ABTB3: variants seen among roughly 807,000 people sequenced by gnomAD.
ABTB3 encodes the protein ankyrin repeat- and BTB/POZ domain-containing protein 3.
chr12:107,366,826 C>CT, the ABTB3 span, among the ~76,000 whole-genome samples: 1 of 152,168 alleles, frequency 6.6e-6, no homozygotes, highest in Non-Finnish European at 1.5e-5. Context: ...ACTGATTATT[C>CT]TTTCTGGAAG....
chr12:107,577,681 CT>C, the ABTB3 span, among the ~76,000 whole-genome samples: 2 of 152,152 alleles, frequency 1.3e-5, no homozygotes, highest in Non-Finnish European at 2.9e-5. Flanking sequence ...TAGATGGCCA[CT>C]GTCCTGTTTG....
the ABTB3 span, among the ~76,000 whole-genome samples, chr12:107,555,194 A>T: frequency 6.6e-6 from 1 of 152,198 alleles, no homozygotes; most frequent in South Asian, 2.1e-4. Context: ...CAAATGAGTG[A>T]CAAGCTGTGC....
the ABTB3 span, among the ~76,000 whole-genome samples, chr12:107,387,308 C>T: frequency 6.6e-6 from 1 of 152,178 alleles, no homozygotes; most frequent in Non-Finnish European, 1.5e-5. Flanking sequence ...CCACTATAAA[C>T]ATTCTCCCCC....
chr12:107,484,024 G>A, the ABTB3 span, among the ~76,000 whole-genome samples: 2 of 152,088 alleles, frequency 1.3e-5, no homozygotes, highest in South Asian at 2.1e-4. Flanking sequence ...TCCAATCCAC[G>A]AATCAGATGT....
At chr12:107,551,206 C>A in the ABTB3 span, among the ~76,000 whole-genome samples, 1 of 152,172 alleles carries the variant, frequency 6.6e-6, no homozygotes, top group Admixed American at 6.5e-5. Flanking sequence ...AATGCCCAGC[C>A]CAGGGCTAAT....
the ABTB3 span, among the ~76,000 whole-genome samples, chr12:107,350,413 C>T: frequency 9.9e-5 from 15 of 151,842 alleles, no homozygotes; most frequent in Admixed American, 2.6e-4. Context: ...ATGGGCTGGG[C>T]GTGGTGGGGG....
At chr12:107,521,572 A>T in the ABTB3 span, among the ~76,000 whole-genome samples, 3 of 152,214 alleles carry the variant, frequency 2.0e-5, no homozygotes, top group African/African-American at 7.2e-5. Context: ...AGCATATATC[A>T]GATCACATCT....
chr12:107,374,909 C>T, the ABTB3 span: 1 of 152,318 alleles, frequency 6.6e-6, no homozygotes, highest in African/African-American at 2.4e-5. Flanking sequence ...CTGGTACCCA[C>T]ACTCACCTGA....
the ABTB3 span, among the ~76,000 whole-genome samples, chr12:107,393,794 G>T: frequency 1.3e-5 from 2 of 152,166 alleles, no homozygotes; most frequent in Non-Finnish European, 1.5e-5. Flanking sequence ...GCCAGGGATG[G>T]TGGCAGGCGC....
chr12:107,642,055 A>G, the ABTB3 span: 1 of 1,587,716 alleles, frequency 6.3e-7, no homozygotes, highest in Non-Finnish European at 8.6e-7. Context: ...TTTGTGTGTG[A>G]GTCTTTTTTA....
the ABTB3 span, chr12:107,319,884 C>CCCCGCCGGCCGCCGCGGCCGCCGCAGT: frequency 8.3e-6 from 11 of 1,325,986 alleles, no homozygotes; most frequent in Non-Finnish European, 1.1e-5. Flanking sequence ...AGCTGTTGCG[C>CCCCGCCGGCCGCCGCGGCCGCCGCAGT]CCCGCCGGCC....
chr12:107,385,013 C>T, the ABTB3 span, among the ~76,000 whole-genome samples: 1 of 152,236 alleles, frequency 6.6e-6, no homozygotes, highest in Non-Finnish European at 1.5e-5. Context: ...TGCACTTCTG[C>T]CCGTCCTCAT....
At chr12:107,578,149 G>A in the ABTB3 span, among the ~76,000 whole-genome samples, 34 of 151,998 alleles carry the variant, frequency 2.2e-4, no homozygotes, top group African/African-American at 8.2e-4. Context: ...TCCCCTCTGA[G>A]TAGACAAGAT....
the ABTB3 span, among the ~76,000 whole-genome samples, chr12:107,572,692 G>A: frequency 2.6e-5 from 4 of 152,308 alleles, 1 homozygote; most frequent in South Asian, 8.3e-4. Context: ...GGGACTGCAG[G>A]GAGATAAATG....
chr12:107,348,122 C>T, the ABTB3 span, among the ~76,000 whole-genome samples: 2 of 152,052 alleles, frequency 1.3e-5, no homozygotes, highest in African/African-American at 4.8e-5. Flanking sequence ...GAAGGCCTTA[C>T]TCAGAAAGTC....
At chr12:107,448,784 G>A in the ABTB3 span, among the ~76,000 whole-genome samples, 5 of 151,998 alleles carry the variant, frequency 3.3e-5, no homozygotes, top group Non-Finnish European at 7.4e-5. Context: ...GGGACTACAG[G>A]CACCCACCAC....
the ABTB3 span, among the ~76,000 whole-genome samples, chr12:107,575,375 T>C: frequency 0.22 from 33,244 of 151,956 alleles, 4,704 homozygotes; most frequent in African/African-American, 0.4. Flanking sequence ...TATTGAGCAC[T>C]TTCTCGGTAC....
the ABTB3 span, chr12:107,318,449 G>C: frequency 6.5e-6 from 1 of 153,766 alleles, no homozygotes; most frequent in Non-Finnish European, 1.4e-5. Context: ...GGCCGCTGCT[G>C]CGCTCCGGTG....
the ABTB3 span, among the ~76,000 whole-genome samples, chr12:107,531,565 T>A: frequency 6.6e-6 from 1 of 152,060 alleles, no homozygotes; most frequent in Non-Finnish European, 1.5e-5. Flanking sequence ...TTCCTCTCAA[T>A]CCAGTGGTCA....
Sources: gnomAD v4.1 joint callset for allele counts (sites outside exome capture counted in the v4.1 genomes callset) on GRCh38, gnomAD v4.1.1 for gene constraint, MANE v1.5 for transcripts, NCBI Gene and HGNC (gene_info 2026-07-23, HGNC 2026-07-21) for gene names.